The following EIF2AK4 variants were observed in gnomAD, a reference collection of about 807,000 sequenced individuals.
EIF2AK4 encodes eukaryotic translation initiation factor 2 alpha kinase 4, also known as eIF-2-alpha kinase GCN2.
In EIF2AK4, 139 loss-of-function variants were observed where a neutral mutation model predicts 211.1. The ratio of observed to expected loss-of-function variants is 0.66; its 90% CI spans 0.57 to 0.76. The LOEUF (loss-of-function observed/expected upper bound fraction) is 0.76. Ranked by LOEUF, EIF2AK4 falls within the 30% of genes least tolerant of loss-of-function variation. EIF2AK4 has a pLI of 0.00. For synonymous variants in EIF2AK4, 710 were observed against 751.3 expected (o/e 0.94, Z 0.90); for missense variants, 1,664 against 2,043.8 (o/e 0.81, Z 3.58).
chr15:39,960,061 G>A (rs561989040), intron 6 of EIF2AK4, among the ~76,000 whole-genome samples: 9 of 152,040 alleles, frequency 5.9e-5, no homozygotes, highest in African/African-American at 2.2e-4. Flanking sequence ...CTACTCAGGA[G>A]GCTGAGGCAG....
intron 23 of EIF2AK4, among the ~76,000 whole-genome samples, chr15:40,005,219 T>C (rs2035144181): frequency 6.6e-6 from 1 of 152,182 alleles, no homozygotes; most frequent in Non-Finnish European, 1.5e-5. Context: ...CCGGAACCAA[T>C]TTCTGAGGGA....
At chr15:39,973,306 G>A (rs991231562) in intron 10 of EIF2AK4, among the ~76,000 whole-genome samples, 10 of 152,116 alleles carry the variant, frequency 6.6e-5, no homozygotes, top group Admixed American at 3.9e-4. Flanking sequence ...AAGGAACCTC[G>A]GTAGAGATTG....
chr15:39,985,625 AG>A (rs2034853990), intron 13 of EIF2AK4, among the ~76,000 whole-genome samples, 179 bp from the exon 14 acceptor site: 1 of 152,222 alleles, frequency 6.6e-6, no homozygotes, highest in Non-Finnish European at 1.5e-5. Context: ...AAAAAAGACC[AG>A]GATTCACAGC....
intron 23 of EIF2AK4, 40 bp from the exon 24 acceptor site, chr15:40,006,976 C>T (rs751592247): frequency 6.7e-7 from 1 of 1,493,358 alleles, no homozygotes; most frequent in South Asian, 1.2e-5. Flanking sequence ...ACAAAAGGCA[C>T]ATTTTGACAT....
chr15:40,024,998 C>T (rs974256974), intron 32 of EIF2AK4, among the ~76,000 whole-genome samples: 6 of 152,138 alleles, frequency 3.9e-5, no homozygotes, highest in Admixed American at 2.6e-4. Context: ...AAGGGTCCCT[C>T]AGGCTGGGAG....
chr15:39,986,916 C>T (rs2034874413), intron 14 of EIF2AK4, among the ~76,000 whole-genome samples: 1 of 152,108 alleles, frequency 6.6e-6, no homozygotes, highest in East Asian at 1.9e-4. Flanking sequence ...CCCAAGGGAA[C>T]AGGACTGTGG....
rs776050447 is a variant in EIF2AK4, at chr15:39,967,481, C to G, written c.1155C>G (p.Val385=). 8.7e-6 allele frequency: 14 copies of G among 1,614,132 alleles called. No homozygotes were observed. The highest frequency in any genetic ancestry group is 1.6e-4 in the Middle Eastern group (1 of 6,062). The change falls in exon 9 of 39, where the codon GTC becomes GTG. Residue 385 remains valine, a synonymous_variant. Coordinates refer to ENST00000263791, the MANE Select transcript of EIF2AK4 (RefSeq NM_001013703.4). The stretch of plus-strand genomic sequence containing the variant: ...TTTTAGTGGAGCACATTAGTGGGGT[C>G]TCTCTTGCTGCACACCTGAGCCACT... ...VDILVEHISG[V]SLAAHLSHSG...
At chr15:40,029,533 G>A in intron 34 of EIF2AK4, 69 bp downstream of exon 34, 1 of 1,479,286 alleles carries the variant, frequency 6.8e-7, no homozygotes, top group South Asian at 1.2e-5. Flanking sequence ...TATTACTGTA[G>A]CTAACTGCTT....
chr15:40,009,695 C>G lies in EIF2AK4; in HGVS notation c.3658C>G (p.Leu1220Val). 2.5e-6 allele frequency: 4 copies of G among 1,608,970 alleles called. No homozygotes were observed. Among genetic ancestry groups the G allele is most frequent in the Non-Finnish European group, 3.4e-6 (4 of 1,177,006 alleles). The stretch of plus-strand genomic sequence containing the variant: ...ACACTGTGGGATCCCAGAAGATAAA[C>G]TCAGTCAAGTCTACATTATTCTGTA... ...LLHCGIPEDK[L>V]SQVYIILYDA... Residue 1220 changes from leucine to valine, a missense_variant, in exon 26 of 39, where the codon CTC becomes GTC. By Grantham distance (32) the Leu-to-Val change is conservative. Transcript: ENST00000263791.
rs1159185961 is a variant in EIF2AK4 at position 39,988,015 on chromosome 15, C to T, written c.2436C>T (p.Asp812=). Residue 812 remains aspartate, a synonymous_variant, in exon 15 of 39, where the codon GAC becomes GAT. Transcript: ENST00000263791. ...ACTGTGAGAAGAGCACTTTACGAGA[C>T]ACCATTGACCAGGGACTGTATCGAG... ...MEYCEKSTLR[D]TIDQGLYRDT... is the part of the protein sequence containing the mutation. The T allele has an allele frequency of 1.2e-6, 2 of 1,614,042 alleles. No individual in the cohort carries two copies. The highest frequency in any genetic ancestry group is 2.7e-5 in the African/African-American group (2 of 74,944).
intron 11 of EIF2AK4, among the ~76,000 whole-genome samples, chr15:39,975,660 G>A (rs943694137): frequency 2.0e-5 from 3 of 152,262 alleles, no homozygotes; most frequent in Middle Eastern, 3.4e-3. Context: ...CCTTTGCAAC[G>A]TTTTCTTGCT....
At chr15:40,034,535 G>A in intron 38 of EIF2AK4, 91 bp downstream of exon 38, 4 of 961,526 alleles carry the variant, frequency 4.2e-6, no homozygotes, top group Non-Finnish European at 6.5e-6. Flanking sequence ...TCTTGTTGAG[G>A]TTTGACGCCT....
chr15:40,002,492 C>T (rs1415083048), intron 21 of EIF2AK4: 1 of 472,888 alleles, frequency 2.1e-6, no homozygotes, highest in Non-Finnish European at 3.8e-6. Context: ...ACCCAGGCAT[C>T]CTTCCCATTG....
chr15:40,030,369 AAT>A lies in EIF2AK4; in HGVS notation c.4573_4574del (p.Ile1525ProfsTer22). On this transcript the variant is annotated frameshift_variant, in exon 35 of 39. Coordinates refer to ENST00000263791, the MANE Select transcript of EIF2AK4 (RefSeq NM_001013703.4). LOFTEE classifies it high-confidence loss of function. ...CTCTCTTGGTCTCAGGTTTGTTTGA[AAT>A]CCATGGAGCAACAGTGGTTCCCATT... is the stretch of plus-strand genomic sequence containing the variant. ...SFSNASGLFE[I>X]HGATVVPIVS... The A allele has an allele frequency of 6.2e-7, 1 of 1,614,066 alleles. No individual in the cohort carries two copies. The highest frequency in any genetic ancestry group is 8.5e-7 in the Non-Finnish European group (1 of 1,180,000).
At chr15:40,002,831 C>T in intron 22 of EIF2AK4, 43 bp downstream of exon 22, 1 of 1,599,768 alleles carries the variant, frequency 6.3e-7, no homozygotes, top group South Asian at 1.1e-5. Context: ...TCTCATAAGA[C>T]TTTTTTCATC....
At chr15:39,961,327 T>C (rs1353701374) in intron 6 of EIF2AK4, among the ~76,000 whole-genome samples, 1 of 152,212 alleles carries the variant, frequency 6.6e-6, no homozygotes, top group African/African-American at 2.4e-5. Context: ...TGAAGCAATA[T>C]GGGATACCTG....
At position 40,016,519 on chromosome 15, in the gene EIF2AK4, G is replaced by A; in HGVS notation, c.3777G>A (p.Lys1259=). The A allele has an allele frequency of 6.2e-7, 1 of 1,614,160 alleles. No individual in the cohort carries two copies. The highest frequency in any genetic ancestry group is 8.5e-7 in the Non-Finnish European group (1 of 1,180,006). The stretch of plus-strand genomic sequence containing the variant: ...CTTTCCAGCTGTGTCGACTCTACAA[G>A]TTTATTGAACAGAAGGGAGATTTGC... The part of the protein sequence containing the change: ...LSSNSLCRLY[K]FIEQKGDLQD... Residue 1259 remains lysine, a synonymous_variant, in exon 28 of 39, where the codon AAG becomes AAA. Transcript: ENST00000263791.
intron 13 of EIF2AK4, among the ~76,000 whole-genome samples, chr15:39,981,374 A>C (rs1379898795): frequency 1.3e-5 from 2 of 152,178 alleles, no homozygotes; most frequent in Non-Finnish European, 2.9e-5. Flanking sequence ...CTGTCTCAAA[A>C]AAAAAAAAAG....
At chr15:40,013,994 C>T (rs977849135) in intron 27 of EIF2AK4, among the ~76,000 whole-genome samples, 1 of 152,240 alleles carries the variant, frequency 6.6e-6, no homozygotes, top group Non-Finnish European at 1.5e-5. Context: ...AATGAGAGTA[C>T]AGGCATTGGA....
Sources: allele counts gnomAD v4.1 joint callset (sites outside exome capture counted in the v4.1 genomes callset), GRCh38; gene constraint gnomAD v4.1.1; transcripts MANE v1.5; gene names NCBI Gene and HGNC (gene_info 2026-07-23, HGNC 2026-07-21).